The following WIPF3 variants were observed in gnomAD, a reference collection of about 807,000 sequenced individuals.
WIPF3 encodes WAS/WASL interacting protein family member 3.
In WIPF3, 33 loss-of-function variants were observed where a neutral mutation model predicts 38.9. The ratio of observed to expected loss-of-function variants is 0.85; its 90% CI spans 0.64 to 1.14. The LOEUF (loss-of-function observed/expected upper bound fraction) is 1.14, where lower values mean the gene tolerates loss of function less well. Ranked by LOEUF, WIPF3 falls within the 50% of genes most tolerant of loss-of-function variation. The pLI, the probability that WIPF3 is intolerant of heterozygous loss-of-function variation, is 0.00. For missense variants in WIPF3, 711 were observed against 652.5 expected (o/e 1.09, Z -0.98); for synonymous variants, 324 against 269.3 (o/e 1.20, Z -1.99).
At chr7:29,870,092 G>A (rs115143646) in intron 2 of WIPF3, among the ~76,000 whole-genome samples, 1,773 of 152,202 alleles carry the variant, frequency 0.012, 41 homozygotes, top group African/African-American at 0.041. Flanking sequence ...GGACTTCCAG[G>A]ATCAAGAGGC....
Position 29,884,229 on chromosome 7 carries a change from C to A in WIPF3, c.735C>A (p.Asp245Glu). The part of the protein sequence containing the change: ...PPLPPASVLS[D>E]KAVKPQLAPL... ...TGCCCCCGGCCTCGGTTCTTAGTGA[C>A]AAGGCAGTGAAGCCTCAGCTGGCTC... Residue 245 changes from aspartate to glutamate, a missense_variant, in exon 5 of 9, where the codon GAC becomes GAA. Transcript: ENST00000242140. The A allele has an allele frequency of 6.5e-7, 1 of 1,528,152 alleles. No individual in the cohort carries two copies. Among genetic ancestry groups the A allele is most frequent in the Admixed American group, 2.1e-5 (1 of 48,594 alleles). The allele number at this position is 1,528,152 out of a possible 1,614,324, so 94.7% of individuals were successfully genotyped here.
intron 4 of WIPF3, among the ~76,000 whole-genome samples, chr7:29,880,523 C>T (rs1261984225): frequency 6.6e-6 from 1 of 152,098 alleles, no homozygotes; most frequent in Non-Finnish European, 1.5e-5. Context: ...TTTCAAAATT[C>T]CCGAGTGCTA....
At chr7:29,860,489 C>A (rs1785256800) in intron 2 of WIPF3, among the ~76,000 whole-genome samples, 1 of 152,190 alleles carries the variant, frequency 6.6e-6, no homozygotes, top group Non-Finnish European at 1.5e-5. Flanking sequence ...TGCCTTCTAC[C>A]ATAAGTGGAA....
intron 1 of WIPF3, among the ~76,000 whole-genome samples, chr7:29,809,078 T>C (rs554828868): frequency 6.6e-6 from 1 of 152,220 alleles, no homozygotes; most frequent in South Asian, 2.1e-4. Context: ...AAATATTTAA[T>C]ATATATGAAC....
chr7:29,869,504 T>C (rs965799238), intron 2 of WIPF3, among the ~76,000 whole-genome samples: 1 of 152,250 alleles, frequency 6.6e-6, no homozygotes, highest in Admixed American at 6.5e-5. Flanking sequence ...GTAACCATCA[T>C]GTGCATTTAA....
intron 7 of WIPF3, among the ~76,000 whole-genome samples, chr7:29,892,330 C>T (rs1005982011): frequency 3.3e-5 from 5 of 152,126 alleles, no homozygotes; most frequent in African/African-American, 9.7e-5. Context: ...CATAGTGGGC[C>T]GGAAGGAGCC....
chr7:29,906,833 A>C (rs570282138), intron 8 of WIPF3, among the ~76,000 whole-genome samples: 38 of 152,334 alleles, frequency 2.5e-4, no homozygotes, highest in African/African-American at 8.9e-4. Context: ...TAAATTTATC[A>C]TCCAAACTTT....
At chr7:29,902,088 G>A (rs948491740) in intron 7 of WIPF3, among the ~76,000 whole-genome samples, 3 of 151,766 alleles carry the variant, frequency 2.0e-5, no homozygotes, top group African/African-American at 7.3e-5. Flanking sequence ...ACACAGGACC[G>A]CCCCCACAAT....
At chr7:29,835,683 C>G (rs552176637) in intron 2 of WIPF3, among the ~76,000 whole-genome samples, 1 of 152,228 alleles carries the variant, frequency 6.6e-6, no homozygotes, top group East Asian at 1.9e-4. Context: ...GAGCACTTCT[C>G]ACACTCATTT....
intron 7 of WIPF3, among the ~76,000 whole-genome samples, chr7:29,902,288 TTTAC>T (rs1348609927): frequency 4.0e-5 from 6 of 149,688 alleles, no homozygotes; most frequent in Non-Finnish European, 3.0e-5. Context: ...TTTTTTTTTT[TTTAC>T]TTTTTGCTCA....
chr7:29,837,652 C>T (rs1784827423), intron 2 of WIPF3, among the ~76,000 whole-genome samples: 1 of 151,978 alleles, frequency 6.6e-6, no homozygotes. Context: ...TTTCTTAAAA[C>T]ATATTTTCTA....
chr7:29,890,381 G>A (rs2128077697), intron 7 of WIPF3, among the ~76,000 whole-genome samples: 1 of 150,274 alleles, frequency 6.7e-6, no homozygotes, highest in South Asian at 2.1e-4. Context: ...AAGAGAGAGA[G>A]AGAATGAGGT....
chr7:29,841,925 A>G (rs1000833635), intron 2 of WIPF3, among the ~76,000 whole-genome samples: 2 of 152,268 alleles, frequency 1.3e-5, no homozygotes, highest in African/African-American at 4.8e-5. Flanking sequence ...AAATATATCT[A>G]AAGGAAATAG....
chr7:29,837,408 C>A lies in WIPF3; in HGVS notation c.90+2594C>A, dbSNP rs181535134. 4.3e-4 allele frequency among the ~76,000 whole-genome samples: 66 copies of A among 152,270 alleles called. No individual in the cohort carries two copies. In the East Asian group the frequency reaches 0.01, roughly 24 times the overall value. On this transcript the variant is annotated intron_variant, in intron 2 of 8. Coordinates refer to ENST00000242140, the MANE Select transcript of WIPF3 (RefSeq NM_001080529.3). ...AAACACATTTTGTGCATAATGAAATCAACTACTTAATATATGTAATAAATA... is the reference window on the plus strand; with the variant it reads ...AAACACATTTTGTGCATAATGAAATAAACTACTTAATATATGTAATAAATA...
At chr7:29,819,863 A>G (rs930932412) in intron 1 of WIPF3, among the ~76,000 whole-genome samples, 4 of 152,014 alleles carry the variant, frequency 2.6e-5, no homozygotes, top group Non-Finnish European at 5.9e-5. Flanking sequence ...TGAACAGAAA[A>G]TATTGTCTGT....
At chr7:29,869,980 A>G (rs576731744) in intron 2 of WIPF3, among the ~76,000 whole-genome samples, 2 of 152,308 alleles carry the variant, frequency 1.3e-5, no homozygotes, top group African/African-American at 4.8e-5. Flanking sequence ...GGTGAGATGG[A>G]AAGTCATTGC....
chr7:29,892,955 C>G (rs968619269), intron 7 of WIPF3, among the ~76,000 whole-genome samples: 1 of 152,112 alleles, frequency 6.6e-6, no homozygotes, highest in Non-Finnish European at 1.5e-5. Context: ...ATCCCAGCTA[C>G]TTGGGAGGCT....
In WIPF3 at chr7:29,888,104, C is replaced by A; in HGVS notation, c.1136C>A (p.Pro379His). Residue 379 changes from proline (P) to histidine (H), a missense_variant, in exon 6 of 9, where the codon CCC becomes CAC. By Grantham distance (77) the Pro-to-His change is moderately conservative. Transcript: ENST00000242140. Reference sequence around the variant, plus strand: ...GGAAAGCTAAATCCACCTCCAGCACCCCCTGCGAGATCACCTACCACAGAG... The same window carrying A: ...GGAAAGCTAAATCCACCTCCAGCACACCCTGCGAGATCACCTACCACAGAG... The part of the protein sequence containing the change: ...GGGKLNPPPA[P>H]PARSPTTELS... The A allele has an allele frequency of 1.9e-6, 3 of 1,613,942 alleles. No homozygotes were observed. The highest frequency in any genetic ancestry group is 2.5e-6 in the Non-Finnish European group (3 of 1,179,884).
At chr7:29,831,694 A>G (rs1784725173) in intron 1 of WIPF3, among the ~76,000 whole-genome samples, 1 of 152,248 alleles carries the variant, frequency 6.6e-6, no homozygotes, top group Admixed American at 6.5e-5. Context: ...TTTGGCAGGT[A>G]GTCTTACAGG....
Sources: gnomAD v4.1 joint callset for allele counts (sites outside exome capture counted in the v4.1 genomes callset) on GRCh38, gnomAD v4.1.1 for gene constraint, MANE v1.5 for transcripts, NCBI Gene and HGNC (gene_info 2026-07-23, HGNC 2026-07-21) for gene names.